Variants in SLC35A3 observed in about 807,000 individuals in gnomAD.
The protein encoded by SLC35A3 is UDP-N-acetylglucosamine transporter.
In SLC35A3, 26 loss-of-function variants were observed where a neutral mutation model predicts 39.0. The observed-to-expected ratio is 0.67, with a 90% CI of 0.49 to 0.92. The LOEUF is 0.92. SLC35A3 is among the 40% of genes least tolerant of loss of function. The pLI, the probability that SLC35A3 is intolerant of heterozygous loss-of-function variation, is 0.00. For missense variants in SLC35A3, 299 were observed against 371.6 expected (o/e 0.80, Z 1.61); for synonymous variants, 135 against 133.1 (o/e 1.01, Z -0.10).
At chr1:100,008,022 G>T (rs1659366145) in intron 4 of SLC35A3, 1 of 149,490 alleles carries the variant, frequency 6.7e-6, no homozygotes, top group Non-Finnish European at 1.5e-5. Context: ...TACAATCTCA[G>T]CTCACTGCAA....
chr1:100,012,404 A>G (rs1400075779), intron 5 of SLC35A3, among the ~76,000 whole-genome samples: 1 of 152,218 alleles, frequency 6.6e-6, no homozygotes, highest in Non-Finnish European at 1.5e-5. Flanking sequence ...AATGTGCTTC[A>G]TGGATTTCTT....
At chr1:100,001,004 A>G (rs1286336760) in intron 3 of SLC35A3, among the ~76,000 whole-genome samples, 4 of 152,052 alleles carry the variant, frequency 2.6e-5, no homozygotes, top group Non-Finnish European at 5.9e-5. Context: ...CTTCGTCAAA[A>G]ATCAGTTGGC....
intron 1 of SLC35A3, among the ~76,000 whole-genome samples, chr1:99,979,538 A>G (rs1455089944): frequency 2.0e-5 from 3 of 148,776 alleles, no homozygotes; most frequent in Non-Finnish European, 4.4e-5. Flanking sequence ...GGTTCATGCC[A>G]TTCTCCTGCC....
rs560965586 is a variant in SLC35A3, at chr1:100,013,630, C to CAT, written c.635-1663_635-1662dup. 6.9e-4 allele frequency among the ~76,000 whole-genome samples: 104 copies of CAT among 151,022 alleles called. 1 individual carries two copies. The South Asian group carries it at 9.0e-3, about 13-fold the overall frequency. ...AATCCTGTCTCAAAATATACATATA[C>CAT]ATATATATATGTTATATATAAAACT... On this transcript the variant is annotated intron_variant, in intron 5 of 7. Transcript: ENST00000533028.
At chr1:100,014,686 CATGTA>C (rs1479347809) in intron 5 of SLC35A3, among the ~76,000 whole-genome samples, 3 of 152,134 alleles carry the variant, frequency 2.0e-5, no homozygotes, top group Admixed American at 6.5e-5. Context: ...ATGGGCTAGC[CATGTA>C]ATTATCTAAT....
chr1:99,971,702 C>T (rs1656822912), intron 1 of SLC35A3, among the ~76,000 whole-genome samples: 1 of 152,150 alleles, frequency 6.6e-6, no homozygotes, highest in African/African-American at 2.4e-5. Flanking sequence ...AATTAGACGT[C>T]CAGTTTCTGA....
intron 4 of SLC35A3, chr1:100,008,632 T>C (rs894720297): frequency 4.6e-5 from 7 of 152,266 alleles, no homozygotes; most frequent in African/African-American, 1.7e-4. Flanking sequence ...TATCCATTCT[T>C]TCTCTTGTGC....
chr1:100,015,316 A>G lies in SLC35A3; in HGVS notation c.649A>G (p.Ile217Val). The G allele has an allele frequency of 6.2e-7, 1 of 1,606,672 alleles. No homozygotes were observed. The highest frequency in any genetic ancestry group is 8.5e-7 in the Non-Finnish European group (1 of 1,177,258). ...RNIQLGFFGS[I>V]FGLMGVYIYD... ...CTTTTTTTTAGGTTTCTTTGGAAGTATATTTGGATTAATGGGTGTATACAT... is the reference window on the plus strand; with the variant it reads ...CTTTTTTTTAGGTTTCTTTGGAAGTGTATTTGGATTAATGGGTGTATACAT... Residue 217 changes from isoleucine (I) to valine (V), a missense_variant, in exon 6 of 8, where the codon ATA becomes GTA. Coordinates refer to ENST00000533028, the MANE Select transcript of SLC35A3 (RefSeq NM_012243.3).
chr1:99,984,837 G>A (rs1047832008), intron 1 of SLC35A3, among the ~76,000 whole-genome samples: 2 of 152,138 alleles, frequency 1.3e-5, no homozygotes, highest in East Asian at 3.8e-4. Flanking sequence ...GATAATTAGT[G>A]ATATTGGGCA....
intron 1 of SLC35A3, among the ~76,000 whole-genome samples, chr1:99,974,732 A>G (rs1169817165): frequency 6.6e-6 from 1 of 152,208 alleles, no homozygotes; most frequent in Non-Finnish European, 1.5e-5. Flanking sequence ...CATACACTTA[A>G]TATCTCAGAA....
intron 6 of SLC35A3, 32 bp downstream of exon 6, chr1:100,015,452 A>G: frequency 6.4e-7 from 1 of 1,574,740 alleles, no homozygotes; most frequent in Non-Finnish European, 8.6e-7. Context: ...ATTTAATGCT[A>G]ATAAACTGTA....
chr1:100,034,823 C>T lies in SLC35A3; in HGVS notation c.*12347C>T, dbSNP rs541412866. ...CCTTTCTTTCCAAGGAATCCCACTC[C>T]CTTTCAAGGTGCCTCATGAACTGTT... On this transcript the variant is annotated 3_prime_UTR_variant, in exon 8 of 8. Coordinates refer to ENST00000533028, the MANE Select transcript of SLC35A3 (RefSeq NM_012243.3). 2 of 152,276 alleles carry T rather than the reference C, an allele frequency of 1.3e-5. No individual in the cohort carries two copies. Among genetic ancestry groups the T allele is most frequent in the Admixed American group, 6.5e-5 (1 of 15,288 alleles). 9.4% of individuals were successfully genotyped at this position (152,276 alleles called of 1,614,324 possible).
Position 100,026,524 on chromosome 1 carries a change from A to G in SLC35A3, c.*4048A>G, listed in dbSNP as rs1409198655. The G allele has an allele frequency of 1.3e-5, 2 of 152,114 alleles. No individual in the cohort carries two copies. The highest frequency in any genetic ancestry group is 2.9e-5 in the Non-Finnish European group (2 of 68,006). The allele number at this position is 152,114 out of a possible 1,614,324, so 9.4% of individuals were successfully genotyped here. On this transcript the variant is annotated 3_prime_UTR_variant, in exon 8 of 8. Transcript: ENST00000533028. ...GATTTTTAAGAATAAATACATTTCT[A>G]TTTTTTTGGTTGTTTCAACATTAGC...
At chr1:99,976,321 T>C (rs998292692) in intron 1 of SLC35A3, among the ~76,000 whole-genome samples, 1 of 152,212 alleles carries the variant, frequency 6.6e-6, no homozygotes, top group Non-Finnish European at 1.5e-5. Flanking sequence ...TGCAATTTCA[T>C]GTTTAGAAAA....
chr1:100,011,751 G>T (rs932093379), intron 5 of SLC35A3, among the ~76,000 whole-genome samples: 1 of 145,644 alleles, frequency 6.9e-6, no homozygotes, highest in Admixed American at 6.9e-5. Flanking sequence ...ACAGATTCTC[G>T]CTCTCTCGCC....
chr1:99,970,450 G>T (rs767567730), intron 1 of SLC35A3: 3 of 841,590 alleles, frequency 3.6e-6, no homozygotes, highest in African/African-American at 1.7e-5. Flanking sequence ...GAATGAAGAC[G>T]GCAGTGTGTG....
Position 100,032,826 on chromosome 1 carries a change from T to C in SLC35A3, c.*10350T>C, listed in dbSNP as rs1035916088. ...TCCCAAAGTGCTGGGATTACAGGCA[T>C]GAGCCACCGCGCCCGGCCACTCTTG... is the stretch of plus-strand genomic sequence containing the variant. On this transcript the variant is annotated 3_prime_UTR_variant, in exon 8 of 8. Transcript: ENST00000533028. The C allele has an allele frequency of 2.0e-5, 3 of 152,170 alleles. No individual in the cohort carries two copies. Among genetic ancestry groups the C allele is most frequent in the African/African-American group, 7.2e-5 (3 of 41,416 alleles). 9.4% of individuals were successfully genotyped at this position (152,170 alleles called of 1,614,324 possible). A position where few individuals can be genotyped will look rare whatever the true frequency, so the allele number is the denominator to read the frequency against.
intron 5 of SLC35A3, among the ~76,000 whole-genome samples, chr1:100,012,408 A>ACTCGAAATAATGC (rs542445653): frequency 0.011 from 1,629 of 152,310 alleles, 11 homozygotes; most frequent in Non-Finnish European, 0.017. Context: ...TGCTTCATGG[A>ACTCGAAATAATGC]TTTCTTATTA....
chr1:99,970,525 A>G (rs989374433), intron 1 of SLC35A3: 1 of 1,532,664 alleles, frequency 6.5e-7, no homozygotes. Flanking sequence ...TCATTCCTTC[A>G]GTGAACATCC....
Sources: allele counts gnomAD v4.1 joint callset (sites outside exome capture counted in the v4.1 genomes callset), GRCh38; gene constraint gnomAD v4.1.1; transcripts MANE v1.5; gene names NCBI Gene and HGNC (gene_info 2026-07-23, HGNC 2026-07-21).